The following RREB1 variants were observed in gnomAD, a reference collection of about 807,000 sequenced individuals.
RREB1 encodes the protein ras responsive element binding protein 1, also known as ras-responsive element-binding protein 1.
RREB1 carries 27 observed loss-of-function variants against 117.8 expected under a neutral mutation model. The observed-to-expected ratio is 0.23, with a 90% CI of 0.17 to 0.32. The LOEUF is 0.32. RREB1 is among the 10% of genes least tolerant of loss of function. The pLI is 1.00. For missense variants in RREB1, 2,577 were observed against 2,378.2 expected, an observed-to-expected ratio of 1.08 and a Z score of -1.74; for synonymous variants, 1,298 against 1,026.7, an observed-to-expected ratio of 1.26 and a Z score of -5.05.
chr6:7,142,779 C>T (rs1762672492), intron 1 of RREB1, among the ~76,000 whole-genome samples: 1 of 152,232 alleles, frequency 6.6e-6, no homozygotes, highest in African/African-American at 2.4e-5. Context: ...ACGTGGCACC[C>T]CCTCTTTCCA....
chr6:7,199,722 G>A (rs889991070), intron 6 of RREB1, among the ~76,000 whole-genome samples: 3 of 151,952 alleles, frequency 2.0e-5, no homozygotes, highest in Admixed American at 6.6e-5. Context: ...GGAGTGCAGT[G>A]GTGCCATCAT....
In RREB1 at chr6:7,117,388, G is replaced by GTTTTTTT. The variant is rs70978941; in HGVS notation, c.-285+9359_-285+9365dup. On this transcript the variant is annotated intron_variant, in intron 1 of 12. Coordinates refer to ENST00000379938, the MANE Select transcript of RREB1 (RefSeq NM_001003699.4). ...GGTGAACCATGTGAATAGGTTTCCTGTTTTTTTTTTTTTTTTTTTTTTTTT... is the reference window on the plus strand; with the variant it reads ...GGTGAACCATGTGAATAGGTTTCCTGTTTTTTTTTTTTTTTTTTTTTTTTTTTTTTTT... Among the ~76,000 whole-genome samples the GTTTTTTT allele has an allele frequency of 1.3e-3, 82 of 63,296 alleles. 18 individuals carry two copies. The highest frequency in any genetic ancestry group is 0.01 in the East Asian group (10 of 976). 41.5% of individuals were successfully genotyped at this position (63,296 alleles called of 152,430 possible).
At chr6:7,177,242 A>AC (rs1561762923) in intron 2 of RREB1, among the ~76,000 whole-genome samples, 1 of 147,950 alleles carries the variant, frequency 6.8e-6, no homozygotes, top group African/African-American at 2.5e-5. Context: ...AAAAAAAAAA[A>AC]GGAGGAAAGA....
At chr6:7,232,042 G>T (rs778384882) in intron 10 of RREB1, 135 bp downstream of exon 10, 5 of 913,252 alleles carry the variant, frequency 5.5e-6, no homozygotes, top group Non-Finnish European at 8.1e-6. Flanking sequence ...GGTCTCCGAA[G>T]CCCCGAGCTT....
chr6:7,126,384 T>G (rs1295521450), intron 1 of RREB1, among the ~76,000 whole-genome samples: 1 of 152,132 alleles, frequency 6.6e-6, no homozygotes, highest in Non-Finnish European at 1.5e-5. Context: ...TTCTCCTGTC[T>G]TAGCCTCCCT....
Position 7,230,878 on chromosome 6 carries a change from C to T in RREB1, c.2779C>T (p.Pro927Ser), listed in dbSNP as rs761416836. The T allele has an allele frequency of 5.6e-6, 9 of 1,614,098 alleles. No homozygotes were observed. The highest frequency in any genetic ancestry group is 5.5e-5 in the South Asian group (5 of 91,088). The change falls in exon 10 of 13, where the codon CCC becomes TCC. Residue 927 changes from proline to serine, a missense_variant. Pro to Ser is a moderately conservative substitution (Grantham distance 74, BLOSUM62 -1). Coordinates refer to ENST00000379938, the MANE Select transcript of RREB1 (RefSeq NM_001003699.4). ...ISFLSPSSLV[P>S]YDCSMEPIDL... ...CTTTCTGAGCCCTTCTTCCCTGGTC[C>T]CCTATGACTGCTCCATGGAGCCCAT...
chr6:7,170,652 G>C (rs1048489929), intron 1 of RREB1, among the ~76,000 whole-genome samples: 1 of 152,222 alleles, frequency 6.6e-6, no homozygotes, highest in African/African-American at 2.4e-5. Flanking sequence ...ATGTGTGTTT[G>C]TTCCTGAGGA....
intron 11 of RREB1, among the ~76,000 whole-genome samples, chr6:7,242,877 C>CT (rs1165034261): frequency 2.6e-5 from 4 of 152,172 alleles, no homozygotes; most frequent in Non-Finnish European, 5.9e-5. Context: ...GCAGTTCTCC[C>CT]TTAAAGGTCC....
At position 7,231,128 on chromosome 6, in the gene RREB1, G is replaced by A. The variant is rs756650259; in HGVS notation, c.3029G>A (p.Gly1010Asp). 6.2e-7 allele frequency: 1 copy of A among 1,612,644 alleles called. No individual in the cohort carries two copies. The highest frequency in any genetic ancestry group is 1.7e-5 in the Admixed American group (1 of 60,006). Residue 1010 changes from glycine (G) to aspartate (D), a missense_variant, in exon 10 of 13, where the codon GGC (glycine) becomes GAC (aspartate). Coordinates refer to ENST00000379938, the MANE Select transcript of RREB1 (RefSeq NM_001003699.4). ...TPEPPAQPLQ[G>D]PVQLAVPIYS... The stretch of plus-strand genomic sequence containing the variant: ...GAACCCCCAGCACAGCCCCTGCAGG[G>A]CCCTGTTCAGCTGGCGGTCCCAATC...
intron 1 of RREB1, among the ~76,000 whole-genome samples, chr6:7,130,741 C>T (rs1305575249): frequency 2.0e-5 from 3 of 151,370 alleles, no homozygotes; most frequent in Non-Finnish European, 2.9e-5. Context: ...CTTAGTCTCC[C>T]GAGTAGCTGG....
At chr6:7,184,851 A>G (rs1273986057) in intron 4 of RREB1, 1 of 150,538 alleles carries the variant, frequency 6.6e-6, no homozygotes, top group African/African-American at 2.4e-5. Flanking sequence ...CATCCTATTG[A>G]TGTATCACCA....
At chr6:7,201,542 G>A (rs1765989087) in intron 6 of RREB1, among the ~76,000 whole-genome samples, 1 of 102,204 alleles carries the variant, frequency 9.8e-6, no homozygotes, top group Non-Finnish European at 1.8e-5. Flanking sequence ...AACATGAACA[G>A]GAAGCACTGA....
intron 1 of RREB1, among the ~76,000 whole-genome samples, chr6:7,144,008 A>G (rs1446900608): frequency 6.6e-6 from 1 of 151,692 alleles, no homozygotes; most frequent in Non-Finnish European, 1.5e-5. Flanking sequence ...GGGATCCTGA[A>G]TAAGTGCAAG....
chr6:7,135,395 G>C (rs1393390793), intron 1 of RREB1, among the ~76,000 whole-genome samples: 2 of 152,174 alleles, frequency 1.3e-5, no homozygotes, highest in East Asian at 1.9e-4. Context: ...CTGCTTTTAG[G>C]CAGGGCAGCA....
At position 7,132,656 on chromosome 6, in the gene RREB1, G is replaced by A. The variant is rs566059734; in HGVS notation, c.-285+24596G>A. ...GTCTTGCCCATAGGCATGCACCATTGTTGAAAACAGCTTTTGCTCTTCACA... is the reference window on the plus strand; with the variant it reads ...GTCTTGCCCATAGGCATGCACCATTATTGAAAACAGCTTTTGCTCTTCACA... On this transcript the variant is annotated intron_variant, in intron 1 of 12. Transcript: ENST00000379938. 2.0e-5 allele frequency among the ~76,000 whole-genome samples: 3 copies of A among 152,326 alleles called. No homozygotes were observed. In the South Asian group the frequency reaches 6.2e-4, roughly 32 times the overall value.
At chr6:7,140,326 A>G (rs554592071) in intron 1 of RREB1, among the ~76,000 whole-genome samples, 200 of 152,324 alleles carry the variant, frequency 1.3e-3, no homozygotes, top group Non-Finnish European at 2.3e-3. Flanking sequence ...ACGTAATGCA[A>G]CACTTATCGT....
In RREB1 at chr6:7,189,183, G is replaced by C. The variant is rs372987331; in HGVS notation, c.286G>C (p.Asp96His). The stretch of plus-strand genomic sequence containing the variant: ...GCACAACACAGACACTGGAGGAGCC[G>C]ACCACTCATGCAGCATCTGCGGAAA... The part of the protein sequence containing the change: ...RQHNTDTGGA[D>H]HSCSICGKSL... The change falls in exon 6 of 13, where the codon GAC becomes CAC. Residue 96 changes from aspartate (D) to histidine (H), a missense_variant. By Grantham distance (81) the Asp-to-His change is moderately conservative. Transcript: ENST00000379938. The C allele has an allele frequency of 1.2e-6, 2 of 1,613,280 alleles. No homozygotes were observed. Among genetic ancestry groups the C allele is most frequent in the Non-Finnish European group, 1.7e-6 (2 of 1,179,954 alleles).
chr6:7,230,443 G>T lies in RREB1; in HGVS notation c.2344G>T (p.Gly782Trp). ...MRTHCGRGLG[G>W]GHKGRKPFEC... ...CACGCACTGCGGCCGCGGCCTGGGCGGGGGCCACAAGGGCCGCAAGCCCTT... is the reference window on the plus strand; with the variant it reads ...CACGCACTGCGGCCGCGGCCTGGGCTGGGGCCACAAGGGCCGCAAGCCCTT... Residue 782 changes from glycine (G) to tryptophan (W), a missense_variant, in exon 10 of 13, where the codon GGG becomes TGG. Coordinates refer to ENST00000379938, the MANE Select transcript of RREB1 (RefSeq NM_001003699.4). The T allele has an allele frequency of 6.3e-7, 1 of 1,591,970 alleles. No homozygotes were observed. Among genetic ancestry groups the T allele is most frequent in the African/African-American group, 1.3e-5 (1 of 74,818 alleles).
At chr6:7,207,449 C>T (rs1312028157) in intron 6 of RREB1, among the ~76,000 whole-genome samples, 1 of 152,166 alleles carries the variant, frequency 6.6e-6, no homozygotes, top group Non-Finnish European at 1.5e-5. Flanking sequence ...TGCTCAGGTG[C>T]AGAATGGAGG....
Sources: gnomAD v4.1 joint callset for allele counts (sites outside exome capture counted in the v4.1 genomes callset) on GRCh38, gnomAD v4.1.1 for gene constraint, MANE v1.5 for transcripts, NCBI Gene and HGNC (gene_info 2026-07-23, HGNC 2026-07-21) for gene names.